The following DIAPH2 variants were observed in gnomAD, a reference collection of about 807,000 sequenced individuals.
DIAPH2 encodes the protein diaphanous related formin 2.
DIAPH2 carries 35 observed loss-of-function variants against 92.7 expected under a neutral mutation model. The observed-to-expected ratio is 0.38, with a 90% CI of 0.29 to 0.50. The LOEUF (loss-of-function observed/expected upper bound fraction) is 0.50, where lower values mean the gene tolerates loss of function less well. Among genes scored for constraint, DIAPH2 ranks in the 20% least tolerant of loss-of-function variants. The probability of loss-of-function intolerance (pLI) is 0.94; values close to 1 mark genes in which losing one functional copy is unlikely to be tolerated. For missense variants in DIAPH2, 701 were observed against 819.5 expected, an observed-to-expected ratio of 0.86 and a Z score of 1.77; for synonymous variants, 301 against 280.4, an observed-to-expected ratio of 1.07 and a Z score of -0.73.
chrX:96,762,340 C>CT (rs767381715), intron 4 of DIAPH2, among the ~76,000 whole-genome samples: 41 of 111,499 alleles, frequency 3.7e-4, no homozygotes, highest in African/African-American at 1.3e-3. Context: ...AATTTTTGAA[C>CT]TATTTCCTCC....
chrX:97,576,739 C>A (rs1482276176), intron 26 of DIAPH2, among the ~76,000 whole-genome samples: 1 of 110,705 alleles, frequency 9.0e-6, no homozygotes, highest in Non-Finnish European at 1.9e-5. Context: ...AATTTTTATA[C>A]TTATAAAAAT....
At chrX:97,558,337 T>C (rs185342540) in intron 26 of DIAPH2, among the ~76,000 whole-genome samples, 4 of 112,245 alleles carry the variant, frequency 3.6e-5, no homozygotes, top group Admixed American at 1.9e-4. Context: ...GTGGTTTTCC[T>C]AGAGGACAAA....
chrX:97,537,318 G>C (rs762923855), intron 26 of DIAPH2, among the ~76,000 whole-genome samples: 19 of 111,721 alleles, frequency 1.7e-4, no homozygotes, highest in Non-Finnish European at 3.0e-4. Context: ...CTGTATTAGA[G>C]GTTTTTGAGT....
At chrX:96,976,806 G>A (rs1031824382) in intron 17 of DIAPH2, among the ~76,000 whole-genome samples, 1 of 110,269 alleles carries the variant, frequency 9.1e-6, no homozygotes, top group Non-Finnish European at 1.9e-5. Context: ...TCTAGTAACA[G>A]CAATAATAGT....
At chrX:96,825,502 G>A (rs932714093) in intron 4 of DIAPH2, among the ~76,000 whole-genome samples, 22 of 109,374 alleles carry the variant, frequency 2.0e-4, no homozygotes, top group Admixed American at 4.9e-4. Context: ...CACAAAACTG[G>A]AAACAAGAGC....
chrX:96,794,674 G>T (rs1041336175), intron 4 of DIAPH2, among the ~76,000 whole-genome samples: 1 of 111,877 alleles, frequency 8.9e-6, no homozygotes, highest in Non-Finnish European at 1.9e-5. Context: ...TTAATATACA[G>T]ACTCTAGAGA....
In DIAPH2 at chrX:96,957,904, C is replaced by T. The variant is rs1472012351; in HGVS notation, c.1691C>T (p.Pro564Leu). 2.5e-6 allele frequency: 3 copies of T among 1,210,776 alleles called. No homozygotes were observed. Among genetic ancestry groups the T allele is most frequent in the East Asian group, 3.0e-5 (1 of 33,781 alleles). ...APPLPGVGPP[P>L]PPPAPPLPGG... ...CCATTGCCAGGTGTAGGGCCGCCTC[C>T]ACCACCACCCGCGCCACCTCTACCC... is the stretch of plus-strand genomic sequence containing the variant. The change falls in exon 16 of 27, where the codon CCA becomes CTA. Residue 564 changes from proline (P) to leucine (L), a missense_variant. By Grantham distance (98) the Pro-to-Leu change is moderately conservative (BLOSUM62 -3). Around this residue, in one of 3 missense-constraint regions of DIAPH2, gnomAD observed 536 missense variants for 599.3 expected, o/e 0.89. Coordinates refer to ENST00000324765, the MANE Select transcript of DIAPH2 (RefSeq NM_006729.5).
intron 25 of DIAPH2, among the ~76,000 whole-genome samples, chrX:97,396,254 T>C (rs1320640078): frequency 8.9e-6 from 1 of 111,923 alleles, no homozygotes; most frequent in Non-Finnish European, 1.9e-5. Flanking sequence ...CCTAACAGAT[T>C]CACAGAACCA....
chrX:96,778,593 A>G, intron 4 of DIAPH2, among the ~76,000 whole-genome samples: 1 of 111,159 alleles, frequency 9.0e-6, no homozygotes. Flanking sequence ...CCCGTATTCA[A>G]ATTTCTCCAA....
intron 4 of DIAPH2, among the ~76,000 whole-genome samples, chrX:96,810,466 GT>G (rs1298885311): frequency 9.0e-6 from 1 of 111,537 alleles, no homozygotes; most frequent in Non-Finnish European, 1.9e-5. Flanking sequence ...CATCCTGTAG[GT>G]TGCCTGTTCA....
chrX:97,193,945 C>A (rs1162890538), intron 22 of DIAPH2, among the ~76,000 whole-genome samples: 4 of 111,443 alleles, frequency 3.6e-5, no homozygotes, highest in Admixed American at 2.9e-4. Context: ...TTCTTTATTT[C>A]TTTTTGGTAT....
At chrX:96,745,272 C>T (rs1012400076) in intron 3 of DIAPH2, among the ~76,000 whole-genome samples, 13 of 111,310 alleles carry the variant, frequency 1.2e-4, no homozygotes, top group Non-Finnish European at 2.3e-4. Context: ...TCCCAAAGTG[C>T]TGGGATTACA....
At chrX:97,120,867 G>C (rs5921345) in intron 21 of DIAPH2, among the ~76,000 whole-genome samples, 1 of 110,752 alleles carries the variant, frequency 9.0e-6, no homozygotes, top group African/African-American at 3.3e-5. Flanking sequence ...GAAGTTGTTA[G>C]AAGGAAAGTA....
At chrX:97,148,028 A>C (rs2067259171) in intron 22 of DIAPH2, among the ~76,000 whole-genome samples, 1 of 111,494 alleles carries the variant, frequency 9.0e-6, no homozygotes, top group African/African-American at 3.3e-5. Flanking sequence ...AGATGAAACA[A>C]TTCCAGAAAC....
At chrX:97,492,800 C>T (rs1204575337) in intron 26 of DIAPH2, among the ~76,000 whole-genome samples, 2 of 112,002 alleles carry the variant, frequency 1.8e-5, no homozygotes, top group Non-Finnish European at 3.8e-5. Context: ...TCACGAGTCA[C>T]TTTTCTCTTG....
chrX:96,953,003 C>G (rs1465579560), intron 15 of DIAPH2, among the ~76,000 whole-genome samples: 2 of 108,515 alleles, frequency 1.8e-5, no homozygotes, highest in Non-Finnish European at 3.8e-5. Context: ...CCTGTAGTCC[C>G]AGTTAGTCAG....
intron 17 of DIAPH2, among the ~76,000 whole-genome samples, chrX:96,985,936 T>G (rs1167689010): frequency 9.0e-6 from 1 of 111,377 alleles, no homozygotes; most frequent in Non-Finnish European, 1.9e-5. Context: ...CATGACAGCA[T>G]GCTTCTTTGA....
intron 1 of DIAPH2, among the ~76,000 whole-genome samples, chrX:96,729,676 A>G (rs896796968): frequency 1.8e-5 from 2 of 112,346 alleles, no homozygotes; most frequent in Non-Finnish European, 3.8e-5. Context: ...CTTATAGATA[A>G]ATATTTTGTT....
intron 23 of DIAPH2, among the ~76,000 whole-genome samples, chrX:97,292,358 C>G (rs1242661157): frequency 1.8e-5 from 2 of 111,180 alleles, no homozygotes; most frequent in Non-Finnish European, 3.8e-5. Context: ...TAAATTGTAA[C>G]TGAAGTTATT....
Sources: gnomAD v4.1 joint callset for allele counts (sites outside exome capture counted in the v4.1 genomes callset) on GRCh38, gnomAD v4.1.1 for gene constraint, gnomAD v4.1.1 regional missense constraint, MANE v1.5 for transcripts, NCBI Gene and HGNC (gene_info 2026-07-23, HGNC 2026-07-21) for gene names.